The following NAALADL2 variants were observed in gnomAD, a reference collection of about 807,000 sequenced individuals.
The protein encoded by NAALADL2 is N-acetylated alpha-linked acidic dipeptidase like 2.
A neutral mutation model predicts 87.2 loss-of-function variants in NAALADL2; 76 were observed. The ratio of observed to expected loss-of-function variants is 0.87; its 90% CI spans 0.72 to 1.05. The LOEUF (loss-of-function observed/expected upper bound fraction) is 1.05. Among genes scored for constraint, NAALADL2 ranks in the 50% least tolerant of loss-of-function variants. The probability of loss-of-function intolerance (pLI) is 0.00; values close to 1 mark genes in which losing one functional copy is unlikely to be tolerated. For synonymous variants in NAALADL2, 354 were observed against 331.0 expected (o/e 1.07, Z -0.75); for missense variants, 1,089 against 945.8 (o/e 1.15, Z -1.99).
intron 3 of NAALADL2, among the ~76,000 whole-genome samples, chr3:175,241,762 A>G (rs1330966365): frequency 1.3e-5 from 2 of 151,708 alleles, no homozygotes; most frequent in African/African-American, 2.4e-5. Flanking sequence ...GCTAAATTCA[A>G]CTAGGTGGTT....
At chr3:174,753,719 CTTTG>C (rs1288892063) in intron 3 of NAALADL2, among the ~76,000 whole-genome samples, 2 of 152,130 alleles carry the variant, frequency 1.3e-5, no homozygotes, top group Non-Finnish European at 2.9e-5. Context: ...AGTGGTCACC[CTTTG>C]TTTGTTCCAG....
chr3:175,677,166 C>T (rs938817056), intron 11 of NAALADL2, among the ~76,000 whole-genome samples: 8 of 151,874 alleles, frequency 5.3e-5, no homozygotes, highest in African/African-American at 1.7e-4. Context: ...AGATCAAGAC[C>T]ATCCTGGCCA....
chr3:175,392,487 C>T (rs1043423930), intron 5 of NAALADL2, among the ~76,000 whole-genome samples: 1 of 152,076 alleles, frequency 6.6e-6, no homozygotes, highest in Non-Finnish European at 1.5e-5. Context: ...CCTCTCTCTC[C>T]CTAAAGAACA....
At chr3:174,879,703 C>T (rs375000280) in intron 1 of NAALADL2, among the ~76,000 whole-genome samples, 16 of 152,120 alleles carry the variant, frequency 1.1e-4, no homozygotes, top group African/African-American at 3.9e-4. Context: ...ATCTCCTAAA[C>T]TACAGTCCCA....
intron 4 of NAALADL2, among the ~76,000 whole-genome samples, chr3:175,270,494 G>A (rs919708276): frequency 7.2e-5 from 11 of 152,176 alleles, no homozygotes; most frequent in African/African-American, 2.4e-4. Context: ...AATGCTGAAT[G>A]TGAATTGCTG....
chr3:175,544,328 T>C (rs1361751296), intron 9 of NAALADL2, among the ~76,000 whole-genome samples: 2 of 152,190 alleles, frequency 1.3e-5, no homozygotes, highest in Non-Finnish European at 2.9e-5. Context: ...CAAACAGTAA[T>C]GTTAATTTAT....
intron 1 of NAALADL2, among the ~76,000 whole-genome samples, chr3:175,052,937 T>C (rs1291090902): frequency 6.6e-6 from 1 of 152,190 alleles, no homozygotes; most frequent in Non-Finnish European, 1.5e-5. Context: ...AGTGTGGCCG[T>C]GGCATGCAAA....
intron 2 of NAALADL2, among the ~76,000 whole-genome samples, chr3:174,720,599 A>G (rs183889821): frequency 1.9e-3 from 290 of 152,316 alleles, no homozygotes; most frequent in Middle Eastern, 3.4e-3. Context: ...CTATGGAACT[A>G]AGATTTGGGA....
chr3:175,301,129 G>T (rs1757036042), intron 4 of NAALADL2, among the ~76,000 whole-genome samples: 1 of 152,014 alleles, frequency 6.6e-6, no homozygotes, highest in African/African-American at 2.4e-5. Flanking sequence ...GTTATGTCTT[G>T]TCCTCTGCTA....
intron 2 of NAALADL2, among the ~76,000 whole-genome samples, chr3:174,552,053 A>G (rs1712188913): frequency 6.6e-6 from 1 of 152,238 alleles, no homozygotes; most frequent in African/African-American, 2.4e-5. Context: ...AAATATACAT[A>G]CAACATTCTA....
chr3:174,935,946 A>C (rs747243923), intron 1 of NAALADL2, among the ~76,000 whole-genome samples: 10 of 152,176 alleles, frequency 6.6e-5, no homozygotes, highest in Non-Finnish European at 1.5e-4. Flanking sequence ...TGCATTTGCT[A>C]TATTTCTTTT....
At chr3:175,392,830 T>C (rs920999235) in intron 5 of NAALADL2, among the ~76,000 whole-genome samples, 1 of 152,188 alleles carries the variant, frequency 6.6e-6, no homozygotes, top group African/African-American at 2.4e-5. Flanking sequence ...GCTTGACAGC[T>C]GGTTAGTGAG....
At chr3:175,184,026 A>T (rs567826191) in intron 2 of NAALADL2, among the ~76,000 whole-genome samples, 7 of 152,062 alleles carry the variant, frequency 4.6e-5, no homozygotes, top group Non-Finnish European at 1.0e-4. Context: ...CTACGTTGCC[A>T]TCATAAGTAT....
At chr3:175,382,083 G>T (rs1371677023) in intron 5 of NAALADL2, among the ~76,000 whole-genome samples, 1 of 152,088 alleles carries the variant, frequency 6.6e-6, no homozygotes. Context: ...TTGGTACCAC[G>T]GGAGGGGAGC....
intron 3 of NAALADL2, among the ~76,000 whole-genome samples, chr3:174,770,260 G>T (rs1322207726): frequency 6.6e-6 from 1 of 152,168 alleles, no homozygotes. Flanking sequence ...CATGGTGCCT[G>T]TCAATTTAGA....
intron 3 of NAALADL2, among the ~76,000 whole-genome samples, chr3:174,854,165 A>G (rs1725588456): frequency 1.3e-5 from 2 of 152,314 alleles, no homozygotes; most frequent in Non-Finnish European, 1.5e-5. Flanking sequence ...TAAATAAAAT[A>G]TAGTACTTAT....
chr3:175,796,561 A>T (rs1298603009), intron 13 of NAALADL2, among the ~76,000 whole-genome samples: 1 of 152,222 alleles, frequency 6.6e-6, no homozygotes, highest in Non-Finnish European at 1.5e-5. Flanking sequence ...TGGACGTAGT[A>T]TCGAAGTAAA....
chr3:175,353,954 C>T (rs1041460730), intron 5 of NAALADL2, among the ~76,000 whole-genome samples: 7 of 152,110 alleles, frequency 4.6e-5, no homozygotes, highest in African/African-American at 1.7e-4. Context: ...ATATATGTAA[C>T]ACATTTGTTG....
rs554909772 is a variant in NAALADL2, at chr3:174,779,870, C to T, written c.-9+42124C>T. 1.2e-3 allele frequency among the ~76,000 whole-genome samples: 188 copies of T among 152,244 alleles called. 2 individuals are homozygous for T. Among genetic ancestry groups the T allele is most frequent in the Non-Finnish European group, 2.0e-3 (138 of 68,014 alleles). On this transcript the variant is annotated intron_variant, in intron 3 of 3. Coordinates refer to the NAALADL2 transcript ENST00000434257. ...TACCAATACCATGCTGTTTTGGTTACTGTAGCCTTGTAGTATAGTTTGAAG... is the reference window on the plus strand; with the variant it reads ...TACCAATACCATGCTGTTTTGGTTATTGTAGCCTTGTAGTATAGTTTGAAG...
Sources: gnomAD v4.1 joint callset for allele counts (sites outside exome capture counted in the v4.1 genomes callset) on GRCh38, gnomAD v4.1.1 for gene constraint, MANE v1.5 for transcripts, NCBI Gene and HGNC (gene_info 2026-07-23, HGNC 2026-07-21) for gene names.